Variants in SEMA6A observed in about 807,000 individuals in gnomAD.
The protein encoded by SEMA6A is semaphorin-6A.
SEMA6A carries 25 observed loss-of-function variants against 96.8 expected under a neutral mutation model. The observed-to-expected ratio is 0.26, with a 90% CI of 0.19 to 0.36. SEMA6A has a LOEUF of 0.36. Ranked by LOEUF, SEMA6A falls within the 10% of genes least tolerant of loss-of-function variation. The pLI is 1.00. For missense variants in SEMA6A, 1,363 were observed against 1,323.1 expected (o/e 1.03, Z -0.47); for synonymous variants, 612 against 518.0 (o/e 1.18, Z -2.46).
intron 1 of SEMA6A, among the ~76,000 whole-genome samples, chr5:116,528,255 G>A (rs1759314619): frequency 6.6e-6 from 1 of 152,074 alleles, no homozygotes. Flanking sequence ...AAAGTAAATA[G>A]CAAGCCTTAG....
At chr5:116,529,660 T>C (rs1193779291) in intron 1 of SEMA6A, among the ~76,000 whole-genome samples, 2 of 152,146 alleles carry the variant, frequency 1.3e-5, no homozygotes, top group African/African-American at 2.4e-5. Flanking sequence ...AAATCCACAC[T>C]GTTTCAAAAA....
intron 1 of SEMA6A, among the ~76,000 whole-genome samples, chr5:116,560,659 G>A (rs1013136376): frequency 1.3e-5 from 2 of 151,908 alleles, no homozygotes; most frequent in Non-Finnish European, 2.9e-5. Flanking sequence ...TCTACCCTGC[G>A]CCAGGGTCAA....
At chr5:116,560,132 C>T (rs1246383344) in intron 1 of SEMA6A, among the ~76,000 whole-genome samples, 1 of 152,184 alleles carries the variant, frequency 6.6e-6, no homozygotes, top group African/African-American at 2.4e-5. Flanking sequence ...CTCCTCCTCC[C>T]CCTTGCCTCC....
At chr5:116,555,669 C>A (rs1022407937) in intron 1 of SEMA6A, among the ~76,000 whole-genome samples, 1 of 151,134 alleles carries the variant, frequency 6.6e-6, no homozygotes, top group African/African-American at 2.4e-5. Context: ...CAAGACCCCC[C>A]CTCAAAAAAA....
intron 18 of SEMA6A, among the ~76,000 whole-genome samples, chr5:116,462,306 C>T (rs569335110): frequency 5.3e-5 from 8 of 152,150 alleles, no homozygotes; most frequent in East Asian, 1.9e-4. Flanking sequence ...AAAGTTTGAA[C>T]GGGAGAAAAG....
In SEMA6A at chr5:116,520,009, A is replaced by G. The variant is rs372742635; in HGVS notation, c.-38-15027T>C. ...CCATAAAGCCTTCCAGTGGCTTCTTAATGTATTAACAACAAAATTAAACCC... is the reference window on the plus strand; with the variant it reads ...CCATAAAGCCTTCCAGTGGCTTCTTGATGTATTAACAACAAAATTAAACCC... On this transcript the variant is annotated intron_variant, in intron 1 of 18. Transcript: ENST00000343348. 2.3e-4 allele frequency among the ~76,000 whole-genome samples: 35 copies of G among 152,254 alleles called. No homozygotes were observed. In the South Asian group the frequency reaches 6.9e-3, roughly 30 times the overall value.
chr5:116,473,175 C>G, intron 16 of SEMA6A, 82 bp from the exon 17 acceptor site: 1 of 1,373,076 alleles, frequency 7.3e-7, no homozygotes. Flanking sequence ...AATGAGCTAA[C>G]ACAGAACTAT....
intron 1 of SEMA6A, among the ~76,000 whole-genome samples, chr5:116,565,218 C>T (rs1052067100): frequency 2.0e-5 from 3 of 152,156 alleles, no homozygotes; most frequent in Admixed American, 6.5e-5. Context: ...TAACAAGGTC[C>T]AGGGAGACAC....
rs148419530 is a variant in SEMA6A at position 116,478,316 on chromosome 5, A to G, written c.1428-162T>C. ...TGCACACACGTAAACACACACATGT[A>G]TATGTATCTATATAAACACACACAC... is the stretch of plus-strand genomic sequence containing the variant. On this transcript the variant is annotated intron_variant, in intron 13 of 18. Coordinates refer to ENST00000343348, the MANE Select transcript of SEMA6A (RefSeq NM_020796.5). 3,090 of 788,328 alleles carry G rather than the reference A, an allele frequency of 3.9e-3. 14 individuals carry two copies. The highest frequency in any genetic ancestry group is 8.5e-3 in the Admixed American group (298 of 35,254). 48.8% of individuals were successfully genotyped at this position (788,328 alleles called of 1,614,324 possible).
intron 1 of SEMA6A, among the ~76,000 whole-genome samples, chr5:116,537,442 G>A (rs929783065): frequency 6.6e-5 from 10 of 152,162 alleles, no homozygotes; most frequent in African/African-American, 2.2e-4. Context: ...GGTCTGTGGA[G>A]ACCAGGTCAG....
intron 10 of SEMA6A, among the ~76,000 whole-genome samples, chr5:116,483,323 T>A (rs573672823): frequency 6.6e-6 from 1 of 152,284 alleles, no homozygotes; most frequent in African/African-American, 2.4e-5. Context: ...GGTGCACAGT[T>A]TACATTTGGA....
At chr5:116,551,320 A>G (rs1760399141) in intron 1 of SEMA6A, among the ~76,000 whole-genome samples, 1 of 125,062 alleles carries the variant, frequency 8.0e-6, no homozygotes, top group African/African-American at 2.7e-5. Context: ...CTTAGCATAC[A>G]CACACACACA....
chr5:116,484,963 G>A (rs1392388939), intron 10 of SEMA6A, among the ~76,000 whole-genome samples: 1 of 152,182 alleles, frequency 6.6e-6, no homozygotes, highest in Non-Finnish European at 1.5e-5. Flanking sequence ...CAGAGAGCTA[G>A]GGCTTTATCC....
intron 1 of SEMA6A, among the ~76,000 whole-genome samples, chr5:116,524,650 A>G (rs1036836208): frequency 6.6e-6 from 1 of 152,168 alleles, no homozygotes; most frequent in African/African-American, 2.4e-5. Flanking sequence ...CATTACAGTA[A>G]TTACAGAGTT....
intron 1 of SEMA6A, among the ~76,000 whole-genome samples, chr5:116,553,875 C>A (rs1326992257): frequency 6.6e-6 from 1 of 152,082 alleles, no homozygotes; most frequent in Non-Finnish European, 1.5e-5. Context: ...ACCATGTATA[C>A]CATTTTTTAA....
intron 2 of SEMA6A, 52 bp from the exon 3 acceptor site, chr5:116,502,379 T>C: frequency 1.3e-6 from 2 of 1,525,436 alleles, no homozygotes; most frequent in Admixed American, 1.7e-5. Flanking sequence ...AAGCCAGGAA[T>C]TGACAGGGTA....
rs72214884 is a variant in SEMA6A at position 116,536,866 on chromosome 5, T to TAAAAAAAAAAAAAAAAA, written c.-38-31901_-38-31885dup. 3.0e-4 allele frequency among the ~76,000 whole-genome samples: 21 copies of TAAAAAAAAAAAAAAAAA among 69,518 alleles called. 1 individual carries two copies. Among genetic ancestry groups the TAAAAAAAAAAAAAAAAA allele is most frequent in the African/African-American group, 4.8e-4 (10 of 21,024 alleles). 45.6% of individuals were successfully genotyped at this position (69,518 alleles called of 152,430 possible). On this transcript the variant is annotated intron_variant, in intron 1 of 18. Coordinates refer to ENST00000343348, the MANE Select transcript of SEMA6A (RefSeq NM_020796.5). ...TTTATTCAGTCCCCGTGTGATTTCT[T>TAAAAAAAAAAAAAAAAA]AAAAAAAAAAAAAAAAAAAAAAAAA...
chr5:116,464,619 G>A (rs947865877), intron 18 of SEMA6A, among the ~76,000 whole-genome samples: 1 of 152,150 alleles, frequency 6.6e-6, no homozygotes, highest in Non-Finnish European at 1.5e-5. Context: ...GAGGGTTTGG[G>A]TCTGTTATTT....
In SEMA6A at chr5:116,533,378, T is replaced by A. The variant is rs543526531; in HGVS notation, c.-38-28396A>T. Among the ~76,000 whole-genome samples, 47 of 152,242 alleles carry A rather than the reference T, an allele frequency of 3.1e-4. 2 individuals are homozygous for A. The South Asian group carries it at 9.5e-3, about 31-fold the overall frequency. ...TGTGGGATTTCTTACACCTTTTTAG[T>A]CAGACCTACTTAGCTGCCTTTTGCA... On this transcript the variant is annotated intron_variant, in intron 1 of 18. Coordinates refer to ENST00000343348, the MANE Select transcript of SEMA6A (RefSeq NM_020796.5).
Sources: allele counts gnomAD v4.1 joint callset (sites outside exome capture counted in the v4.1 genomes callset), GRCh38; gene constraint gnomAD v4.1.1; transcripts MANE v1.5; gene names NCBI Gene and HGNC (gene_info 2026-07-23, HGNC 2026-07-21).